DAOA: variants seen among roughly 807,000 people sequenced by gnomAD.
DAOA encodes the protein D-amino acid oxidase activator, also known as D-amino acid oxidase regulator.
A neutral mutation model predicts 16.4 loss-of-function variants in DAOA; 15 were observed. The ratio of observed to expected loss-of-function variants is 0.91; its 90% CI spans 0.61 to 1.41. The LOEUF (loss-of-function observed/expected upper bound fraction) is 1.41. DAOA is among the 40% of genes most tolerant of loss of function. DAOA has a pLI of 0.00. For missense variants in DAOA, 230 were observed against 176.8 expected, an observed-to-expected ratio of 1.30 and a Z score of -1.71; for synonymous variants, 75 against 59.1, an observed-to-expected ratio of 1.27 and a Z score of -1.23.
At chr13:105,489,173 C>T (rs941742338) in intron 4 of DAOA, among the ~76,000 whole-genome samples, 18 of 152,046 alleles carry the variant, frequency 1.2e-4, no homozygotes, top group African/African-American at 4.8e-5. Flanking sequence ...TTTATAAATG[C>T]GTTATTTTCC....
chr13:105,466,568 A>G, intron 2 of DAOA: 1 of 621,954 alleles, frequency 1.6e-6, no homozygotes, highest in Non-Finnish European at 2.6e-6. Context: ...GCCCTCACCT[A>G]TCCCTGGGAG....
chr13:105,473,156 AGTGTGTGTGTGTGT>A (rs10691575), intron 4 of DAOA, among the ~76,000 whole-genome samples: 2 of 149,188 alleles, frequency 1.3e-5, no homozygotes, highest in African/African-American at 4.9e-5. Flanking sequence ...CCTACGTGAG[AGTGTGTGTGTGTGT>A]GTGTGTGTTT....
Position 105,489,957 on chromosome 13 carries a change from T to G in DAOA, c.338T>G (p.Phe113Cys). The G allele has an allele frequency of 1.2e-6, 2 of 1,613,782 alleles. No individual in the cohort carries two copies. The highest frequency in any genetic ancestry group is 1.7e-6 in the Non-Finnish European group (2 of 1,179,880). Reference sequence around the variant, plus strand: ...GTCTTCATGGCAAGAAACTATGAGTTCCTTGCCTATGAGGCCTCTAAGGAC... The same window carrying G: ...GTCTTCATGGCAAGAAACTATGAGTGCCTTGCCTATGAGGCCTCTAAGGAC... ...GKVFMARNYE[F>C]LAYEASKDRR... The change falls in exon 5 of 6, where the codon TTC becomes TGC. Residue 113 changes from phenylalanine to cysteine, a missense_variant. Phe to Cys is a radical substitution (Grantham distance 205). Transcript: ENST00000375936.
At chr13:105,467,365 A>C (rs1455273102) in intron 3 of DAOA, among the ~76,000 whole-genome samples, 1 of 152,246 alleles carries the variant, frequency 6.6e-6, no homozygotes, top group Non-Finnish European at 1.5e-5. Context: ...CTTGTAAAAC[A>C]TATATAACTT....
chr13:105,474,396 C>T (rs1464289331), intron 4 of DAOA, among the ~76,000 whole-genome samples: 4 of 152,076 alleles, frequency 2.6e-5, no homozygotes, highest in Non-Finnish European at 5.9e-5. Context: ...ATTTTAAGAA[C>T]ATGATCATTT....
At chr13:105,486,174 A>G (rs1594119105) in intron 4 of DAOA, among the ~76,000 whole-genome samples, 1 of 152,290 alleles carries the variant, frequency 6.6e-6, no homozygotes, top group East Asian at 1.9e-4. Flanking sequence ...GATGCTGTCC[A>G]GGATCTAAAA....
chr13:105,472,522 T>C lies in DAOA; in HGVS notation c.134-16T>C, dbSNP rs774174487. 2.4e-5 allele frequency: 38 copies of C among 1,611,306 alleles called. No individual in the cohort carries two copies. Among genetic ancestry groups the C allele is most frequent in the Non-Finnish European group, 3.1e-5 (37 of 1,178,606 alleles). ...GAGTTAATATGTATTATATATCCAC[T>C]TAAATACTGTTGCAGCAAAGGAGAC... On this transcript the variant is annotated splice_polypyrimidine_tract_variant and intron_variant, in intron 3 of 5. Coordinates refer to ENST00000375936, the MANE Select transcript of DAOA (RefSeq NM_172370.5).
rs968598872 is a variant in DAOA at position 105,468,805 on chromosome 13, T to C, written c.133+1664T>C. Among the ~76,000 whole-genome samples, 4 of 152,200 alleles carry C rather than the reference T, an allele frequency of 2.6e-5. No homozygotes were observed. The South Asian group carries it at 8.3e-4, about 31-fold the overall frequency. The stretch of plus-strand genomic sequence containing the variant: ...CTTGGAACACTATTCCCTTCAGAGA[T>C]TTGTCTCTGGTTTGTGGAATCACAG... On this transcript the variant is annotated intron_variant, in intron 3 of 5. Coordinates refer to ENST00000375936, the MANE Select transcript of DAOA (RefSeq NM_172370.5).
At chr13:105,483,752 T>C (rs1221462050) in intron 4 of DAOA, among the ~76,000 whole-genome samples, 1 of 152,130 alleles carries the variant, frequency 6.6e-6, no homozygotes, top group African/African-American at 2.4e-5. Context: ...ATATTAGATA[T>C]AACCTTTGTA....
At chr13:105,469,049 C>T (rs1029318536) in intron 3 of DAOA, among the ~76,000 whole-genome samples, 2 of 152,090 alleles carry the variant, frequency 1.3e-5, no homozygotes, top group African/African-American at 4.8e-5. Context: ...AGACAGCAGA[C>T]ATCAGTATGT....
chr13:105,466,496 A>G, intron 2 of DAOA, 164 bp downstream of exon 2: 1 of 1,164,306 alleles, frequency 8.6e-7, no homozygotes, highest in Non-Finnish European at 1.2e-6. Flanking sequence ...TTTCTCCCAT[A>G]TTCTGTCAGT....
intron 4 of DAOA, among the ~76,000 whole-genome samples, chr13:105,476,451 A>C (rs562617085): frequency 4.6e-5 from 7 of 151,944 alleles, no homozygotes; most frequent in Middle Eastern, 6.8e-3. Flanking sequence ...ACAACAACAA[A>C]AAAGCCTTTT....
At chr13:105,467,686 A>G (rs1194429617) in intron 3 of DAOA, 1 of 148,610 alleles carries the variant, frequency 6.7e-6, no homozygotes, top group Non-Finnish European at 1.5e-5. Context: ...GGTGTCAGCC[A>G]CAACACCCAG....
At chr13:105,484,565 A>G (rs1293475599) in intron 4 of DAOA, among the ~76,000 whole-genome samples, 5 of 152,120 alleles carry the variant, frequency 3.3e-5, no homozygotes, top group Admixed American at 3.3e-4. Flanking sequence ...AATATTTTAT[A>G]TTTTTTGCTA....
At chr13:105,477,787 CG>C (rs1877440933) in intron 4 of DAOA, among the ~76,000 whole-genome samples, 1 of 152,044 alleles carries the variant, frequency 6.6e-6, no homozygotes, top group Admixed American at 6.6e-5. Context: ...AGATATTTAT[CG>C]GGTATCTACC....
intron 4 of DAOA, among the ~76,000 whole-genome samples, chr13:105,477,720 T>C (rs1353287129): frequency 6.6e-6 from 1 of 152,178 alleles, no homozygotes; most frequent in Admixed American, 6.5e-5. Context: ...CCAAACAACC[T>C]ATAAACTAAA....
chr13:105,480,451 G>T (rs1180339741), intron 4 of DAOA, among the ~76,000 whole-genome samples: 2 of 151,158 alleles, frequency 1.3e-5, no homozygotes, highest in African/African-American at 4.9e-5. Flanking sequence ...TCTGTATTAG[G>T]GTTCTCCAGA....
At position 105,490,047 on chromosome 13, in the gene DAOA, A is replaced by G; in HGVS notation, c.428A>G (p.Asn143Ser). The change falls in exon 5 of 6, where the codon AAC becomes AGC. Residue 143 changes from asparagine to serine, a missense_variant. By Grantham distance (46) the Asn-to-Ser change is conservative. Coordinates refer to ENST00000375936, the MANE Select transcript of DAOA (RefSeq NM_172370.5). ...AACCAGCAAAAAGACCAGTCATGCA[A>G]CCACAAGGAAATAACTTCTACCAAA... is the stretch of plus-strand genomic sequence containing the variant. The part of the protein sequence containing the change: ...NYNQQKDQSC[N>S]HKEITSTKAE The G allele has an allele frequency of 6.3e-7, 1 of 1,588,204 alleles. No individual in the cohort carries two copies. Among genetic ancestry groups the G allele is most frequent in the Non-Finnish European group, 8.6e-7 (1 of 1,166,198 alleles).
chr13:105,481,141 T>A (rs1415104471), intron 4 of DAOA, among the ~76,000 whole-genome samples: 1 of 152,188 alleles, frequency 6.6e-6, no homozygotes. Flanking sequence ...TTGAACTCCT[T>A]GGAAACATAT....
Sources: gnomAD v4.1 joint callset for allele counts (sites outside exome capture counted in the v4.1 genomes callset) on GRCh38, gnomAD v4.1.1 for gene constraint, MANE v1.5 for transcripts, NCBI Gene and HGNC (gene_info 2026-07-23, HGNC 2026-07-21) for gene names.